AUTS2: variants seen among roughly 807,000 people sequenced by gnomAD.
AUTS2 encodes autism susceptibility gene 2 protein.
AUTS2 carries 17 observed loss-of-function variants against 112.4 expected under a neutral mutation model. That is an observed-to-expected ratio of 0.15 (90% CI 0.10 to 0.23). The LOEUF is 0.23. Among genes scored for constraint, AUTS2 ranks in the 10% least tolerant of loss-of-function variants. The pLI, the probability that AUTS2 is intolerant of heterozygous loss-of-function variation, is 1.00. For synonymous variants in AUTS2, 751 were observed against 702.7 expected (o/e 1.07, Z -1.09); for missense variants, 1,510 against 1,701.6 (o/e 0.89, Z 1.98).
intron 4 of AUTS2, among the ~76,000 whole-genome samples, chr7:70,169,010 A>G (rs959368458): frequency 3.9e-5 from 6 of 152,186 alleles, no homozygotes; most frequent in Admixed American, 2.6e-4. Flanking sequence ...AATAATCCCA[A>G]TAAAATATTT....
At chr7:70,457,202 G>C (rs1290364649) in intron 5 of AUTS2, among the ~76,000 whole-genome samples, 1 of 152,136 alleles carries the variant, frequency 6.6e-6, no homozygotes. Flanking sequence ...ATAACTGACC[G>C]GGGCTGTGCC....
chr7:69,867,459 G>A (rs551654885), intron 1 of AUTS2, among the ~76,000 whole-genome samples: 80 of 152,300 alleles, frequency 5.3e-4, no homozygotes, highest in African/African-American at 1.7e-3. Flanking sequence ...AACTGCTCAC[G>A]TTCCTGAACT....
intron 4 of AUTS2, among the ~76,000 whole-genome samples, chr7:70,212,677 C>G (rs2129588792): frequency 6.8e-6 from 1 of 147,954 alleles, no homozygotes; most frequent in African/African-American, 2.5e-5. Context: ...CCCCTCTTCT[C>G]TTACCCCTTT....
At chr7:69,733,088 G>A (rs1562845045) in intron 1 of AUTS2, among the ~76,000 whole-genome samples, 1 of 152,156 alleles carries the variant, frequency 6.6e-6, no homozygotes, top group African/African-American at 2.4e-5. Context: ...GTTCCATTAA[G>A]TCTTATTTAT....
intron 5 of AUTS2, among the ~76,000 whole-genome samples, chr7:70,687,178 A>G (rs962933478): frequency 3.9e-5 from 6 of 152,220 alleles, no homozygotes; most frequent in Non-Finnish European, 5.9e-5. Context: ...TATGAAATGC[A>G]GGTCGCTAGA....
intron 1 of AUTS2, among the ~76,000 whole-genome samples, chr7:69,605,276 G>A (rs1468780664): frequency 1.3e-5 from 2 of 152,196 alleles, no homozygotes; most frequent in Non-Finnish European, 2.9e-5. Flanking sequence ...CGGTGCGTGG[G>A]AGCTGCTTCT....
intron 4 of AUTS2, among the ~76,000 whole-genome samples, chr7:70,277,651 CTAA>C (rs1787990981): frequency 6.6e-6 from 1 of 151,956 alleles, no homozygotes; most frequent in South Asian, 2.1e-4. Context: ...AACAAATAGA[CTAA>C]TAATCTATCT....
chr7:70,462,908 A>G (rs1797024850), intron 5 of AUTS2, among the ~76,000 whole-genome samples: 1 of 151,994 alleles, frequency 6.6e-6, no homozygotes, highest in Non-Finnish European at 1.5e-5. Context: ...CAGTGACCCG[A>G]GATTGCGCCA....
intron 5 of AUTS2, among the ~76,000 whole-genome samples, chr7:70,502,291 G>A (rs985214145): frequency 1.2e-4 from 18 of 152,154 alleles, no homozygotes; most frequent in Admixed American, 7.9e-4. Context: ...CGTATTAATG[G>A]CACACCTTCT....
intron 5 of AUTS2, among the ~76,000 whole-genome samples, chr7:70,544,187 A>G (rs1168474183): frequency 6.6e-6 from 1 of 152,238 alleles, no homozygotes; most frequent in East Asian, 1.9e-4. Context: ...GAATCCTCAT[A>G]GTCTGTTGCA....
chr7:70,326,758 G>A (rs572478801), intron 4 of AUTS2, among the ~76,000 whole-genome samples: 4 of 152,270 alleles, frequency 2.6e-5, no homozygotes, highest in Non-Finnish European at 5.9e-5. Context: ...AGGTAAACAA[G>A]TGTGCCTATG....
chr7:70,040,905 T>C (rs1584623316), intron 2 of AUTS2, among the ~76,000 whole-genome samples: 1 of 152,222 alleles, frequency 6.6e-6, no homozygotes, highest in Admixed American at 6.5e-5. Context: ...CCCCATGGCT[T>C]TTTATACCTC....
chr7:69,873,904 C>A (rs116276187), intron 1 of AUTS2, among the ~76,000 whole-genome samples: 1 of 152,162 alleles, frequency 6.6e-6, no homozygotes, highest in Non-Finnish European at 1.5e-5. Context: ...CCTATCAGCA[C>A]TTCTAGACTG....
At chr7:70,347,639 T>C (rs1377187948) in intron 4 of AUTS2, among the ~76,000 whole-genome samples, 1 of 152,174 alleles carries the variant, frequency 6.6e-6, no homozygotes, top group Non-Finnish European at 1.5e-5. Context: ...AGATCTGTCC[T>C]GGGGACTCCA....
chr7:70,485,882 A>T (rs1797974914), intron 5 of AUTS2, among the ~76,000 whole-genome samples: 1 of 152,124 alleles, frequency 6.6e-6, no homozygotes, highest in African/African-American at 2.4e-5. Flanking sequence ...TCCAGGAAGG[A>T]GACCTGAAGA....
intron 5 of AUTS2, among the ~76,000 whole-genome samples, chr7:70,508,909 C>CTAGAA (rs1799076392): frequency 6.6e-6 from 1 of 152,194 alleles, no homozygotes; most frequent in South Asian, 2.1e-4. Flanking sequence ...GAGTCTTATT[C>CTAGAA]AGAACTGAAG....
chr7:70,660,687 G>A (rs938742414), intron 5 of AUTS2, among the ~76,000 whole-genome samples: 9 of 152,184 alleles, frequency 5.9e-5, no homozygotes, highest in Non-Finnish European at 1.0e-4. Context: ...GCATCCTGTC[G>A]TCATGTCCTC....
At chr7:69,837,475 C>G (rs1030387393) in intron 1 of AUTS2, among the ~76,000 whole-genome samples, 1 of 152,074 alleles carries the variant, frequency 6.6e-6, no homozygotes, top group South Asian at 2.1e-4. Context: ...CAAAATGATT[C>G]CAGCTGCTTC....
chr7:70,534,439 T>G (rs1485562299), intron 5 of AUTS2, among the ~76,000 whole-genome samples: 10 of 147,386 alleles, frequency 6.8e-5, no homozygotes, highest in Middle Eastern at 3.7e-3. Flanking sequence ...TTTGTTTGTT[T>G]GTTTTGAGAC....
Sources: allele counts gnomAD v4.1 joint callset (sites outside exome capture counted in the v4.1 genomes callset), GRCh38; gene constraint gnomAD v4.1.1; transcripts MANE v1.5; gene names NCBI Gene and HGNC (gene_info 2026-07-23, HGNC 2026-07-21).